The following ZNF730 variants were observed in gnomAD, a reference collection of about 807,000 sequenced individuals.
The protein encoded by ZNF730 is zinc finger protein 730, also known as putative zinc finger protein 730.
Under a neutral mutation model 12.6 loss-of-function variants are expected in ZNF730, and 12 were observed. The ratio of observed to expected loss-of-function variants is 0.95; its 90% CI spans 0.61 to 1.54. The LOEUF is 1.54. Among genes scored for constraint, ZNF730 ranks in the 40% most tolerant of loss-of-function variants. The pLI is 0.00. For synonymous variants in ZNF730, 194 were observed against 195.8 expected, an observed-to-expected ratio of 0.99 and a Z score of 0.08; for missense variants, 643 against 583.5, an observed-to-expected ratio of 1.10 and a Z score of -1.05.
chr19:23,100,630 C>CTTTTTT (rs201462781), intron 1 of ZNF730, among the ~76,000 whole-genome samples: 3 of 118,554 alleles, frequency 2.5e-5, no homozygotes, highest in African/African-American at 1.2e-4. Context: ...GATGGTGATT[C>CTTTTTT]TTTTTTTTTT....
At chr19:23,119,338 T>A (rs1289878156) in intron 1 of ZNF730, among the ~76,000 whole-genome samples, 1 of 152,260 alleles carries the variant, frequency 6.6e-6, no homozygotes, top group Non-Finnish European at 1.5e-5. Flanking sequence ...TCAAACATAT[T>A]GATTTGTGTA....
chr19:23,120,554 T>G (rs1469068530), intron 1 of ZNF730, among the ~76,000 whole-genome samples: 1 of 152,070 alleles, frequency 6.6e-6, no homozygotes, highest in African/African-American at 2.4e-5. Flanking sequence ...TTTATTTGGT[T>G]CTTCTTTTTT....
chr19:23,078,825 A>G (rs750600322), intron 1 of ZNF730, among the ~76,000 whole-genome samples: 4 of 151,592 alleles, frequency 2.6e-5, no homozygotes, highest in Non-Finnish European at 4.4e-5. Context: ...TTTTTTTTGA[A>G]ATGGAGTTTT....
At chr19:23,116,573 C>CT (rs5827552), upstream of ZNF730, among the ~76,000 whole-genome samples, 46,962 of 86,760 alleles carry the variant, frequency 0.54, 14,387 homozygotes, top group South Asian at 0.66. Flanking sequence ...CTCCCAGCTA[C>CT]TTTTTTTTTT....
At chr19:23,086,886 A>G (rs574907969) in intron 1 of ZNF730, among the ~76,000 whole-genome samples, 6 of 152,222 alleles carry the variant, frequency 3.9e-5, no homozygotes, top group African/African-American at 7.2e-5. Context: ...TTTGGGCAGT[A>G]TGGCCATTTT....
chr19:23,076,687 C>A (rs1160337345), intron 1 of ZNF730, among the ~76,000 whole-genome samples: 1 of 152,116 alleles, frequency 6.6e-6, no homozygotes, highest in Non-Finnish European at 1.5e-5. Flanking sequence ...AAAAAGCTAC[C>A]TCTTAGAACA....
At chr19:23,084,453 ATTC>A (rs2145454006) in intron 1 of ZNF730, among the ~76,000 whole-genome samples, 1 of 152,360 alleles carries the variant, frequency 6.6e-6, no homozygotes, top group East Asian at 1.9e-4. Context: ...ATACTGGCCG[ATTC>A]TTCTTTAAAA....
At chr19:23,142,356 G>C (rs530747483) in intron 3 of ZNF730, among the ~76,000 whole-genome samples, 2 of 152,056 alleles carry the variant, frequency 1.3e-5, no homozygotes, top group African/African-American at 2.4e-5. Flanking sequence ...TTGGATCTTG[G>C]TTTTTAAAAT....
At chr19:23,080,563 C>T (rs1385568620) in intron 1 of ZNF730, among the ~76,000 whole-genome samples, 8 of 151,730 alleles carry the variant, frequency 5.3e-5, no homozygotes, top group African/African-American at 1.9e-4. Flanking sequence ...TTAGTAGAGA[C>T]GGGGTTTCAG....
chr19:23,090,578 C>T (rs2145484453), intron 1 of ZNF730, among the ~76,000 whole-genome samples: 1 of 152,258 alleles, frequency 6.6e-6, no homozygotes, highest in South Asian at 2.1e-4. Context: ...AAGCTGGCTA[C>T]AGAAATTTGC....
At chr19:23,097,071 C>T (rs1336832567) in intron 1 of ZNF730, among the ~76,000 whole-genome samples, 5 of 152,126 alleles carry the variant, frequency 3.3e-5, no homozygotes, top group African/African-American at 1.2e-4. Flanking sequence ...CATAGAGTGC[C>T]TCATTGACAT....
intron 1 of ZNF730, among the ~76,000 whole-genome samples, chr19:23,122,422 C>T (rs904629316): frequency 3.9e-5 from 6 of 152,096 alleles, no homozygotes; most frequent in Admixed American, 1.3e-4. Context: ...GGATTACAAG[C>T]GTGAGCCACC....
chr19:23,145,883 G>C lies in ZNF730; in HGVS notation c.839G>C (p.Gly280Ala). The part of the protein sequence containing the change: ...NLTTHKRIHT[G>A]EKPYKCEECG... The stretch of plus-strand genomic sequence containing the variant: ...ACTACACATAAAAGAATTCATACTG[G>C]AGAGAAACCCTATAAATGTGAAGAA... The change falls in exon 4 of 4, where the codon GGA (glycine) becomes GCA (alanine). Residue 280 changes from glycine (G) to alanine (A), a missense_variant. Physicochemically the swap from Gly to Ala is moderately conservative, Grantham distance 60. Transcript: ENST00000597761. 1 of 1,610,374 alleles carries C rather than the reference G, an allele frequency of 6.2e-7. No homozygotes were observed. Among genetic ancestry groups the C allele is most frequent in the East Asian group, 2.2e-5 (1 of 44,824 alleles).
Position 23,146,568 on chromosome 19 carries a change from C to T in ZNF730, c.*12C>T, listed in dbSNP as rs1971017392. 6.3e-7 allele frequency: 1 copy of T among 1,583,544 alleles called. No homozygotes were observed. The highest frequency in any genetic ancestry group is 8.6e-7 in the Non-Finnish European group (1 of 1,166,806). On this transcript the variant is annotated 3_prime_UTR_variant, in exon 4 of 4. Coordinates refer to ENST00000597761, the MANE Select transcript of ZNF730 (RefSeq NM_001277403.2). ...CAATTCATACATAAAATTGTAAAGA[C>T]TGTGGCAAAGCTTTTAAACAATCTT...
intron 1 of ZNF730, among the ~76,000 whole-genome samples, chr19:23,121,620 G>A (rs1013723982): frequency 6.6e-6 from 1 of 152,162 alleles, no homozygotes; most frequent in East Asian, 1.9e-4. Flanking sequence ...GATTACAGGC[G>A]TGAGCTGCCA....
intron 1 of ZNF730, among the ~76,000 whole-genome samples, chr19:23,105,676 A>G (rs1024736729): frequency 2.0e-5 from 3 of 152,228 alleles, no homozygotes; most frequent in African/African-American, 7.2e-5. Flanking sequence ...TCATATTACC[A>G]GGATATCCAC....
At chr19:23,078,935 G>C (rs536194730) in intron 1 of ZNF730, among the ~76,000 whole-genome samples, 1 of 152,058 alleles carries the variant, frequency 6.6e-6, no homozygotes, top group Non-Finnish European at 1.5e-5. Context: ...CTCCTGAGTA[G>C]CTGGGATTAC....
intron 1 of ZNF730, among the ~76,000 whole-genome samples, chr19:23,097,123 A>C (rs981702220): frequency 2.0e-5 from 3 of 152,026 alleles, no homozygotes; most frequent in Non-Finnish European, 4.4e-5. Context: ...TCTTCTCCTG[A>C]CTTTCTTCTC....
intron 1 of ZNF730, among the ~76,000 whole-genome samples, chr19:23,092,392 C>T (rs965026267): frequency 4.7e-5 from 7 of 148,772 alleles, no homozygotes; most frequent in African/African-American, 1.5e-4. Context: ...GTTGGGAGTT[C>T]GAGACCAGCC....
Sources: gnomAD v4.1 joint callset for allele counts (sites outside exome capture counted in the v4.1 genomes callset) on GRCh38, gnomAD v4.1.1 for gene constraint, MANE v1.5 for transcripts, NCBI Gene and HGNC (gene_info 2026-07-23, HGNC 2026-07-21) for gene names.